Variants in GRIK3 observed in about 807,000 individuals in gnomAD.
The protein encoded by GRIK3 is glutamate ionotropic receptor kainate type subunit 3.
A neutral mutation model predicts 102.5 loss-of-function variants in GRIK3; 29 were observed. That is an observed-to-expected ratio of 0.28 (90% CI 0.21 to 0.39). The LOEUF is 0.39. GRIK3 is among the 10% of genes least tolerant of loss of function. The pLI, the probability that GRIK3 is intolerant of heterozygous loss-of-function variation, is 1.00. For synonymous variants in GRIK3, 511 were observed against 504.9 expected, an observed-to-expected ratio of 1.01 and a Z score of -0.16; for missense variants, 908 against 1,252.4, an observed-to-expected ratio of 0.73 and a Z score of 4.15.
At chr1:36,813,754 G>A (rs1189737656) in intron 13 of GRIK3, among the ~76,000 whole-genome samples, 6 of 151,392 alleles carry the variant, frequency 4.0e-5, no homozygotes, top group Admixed American at 1.3e-4. Flanking sequence ...CAGCGGGGGC[G>A]GGGCGGGGGG....
At chr1:37,033,576 G>C (rs902059551) in intron 1 of GRIK3, among the ~76,000 whole-genome samples, 1 of 152,236 alleles carries the variant, frequency 6.6e-6, no homozygotes, top group Non-Finnish European at 1.5e-5. Context: ...CGAAGGGCCC[G>C]CGGGGAGTGA....
chr1:36,973,229 A>G (rs768631089), intron 1 of GRIK3, among the ~76,000 whole-genome samples: 2 of 152,082 alleles, frequency 1.3e-5, no homozygotes, highest in Non-Finnish European at 2.9e-5. Flanking sequence ...CCTCCTTAGA[A>G]GCAACACTCC....
intron 1 of GRIK3, among the ~76,000 whole-genome samples, chr1:36,972,600 G>C (rs371295048): frequency 2.6e-5 from 4 of 152,148 alleles, no homozygotes; most frequent in African/African-American, 9.7e-5. Flanking sequence ...GCCAGGTTAC[G>C]TTCAGGGAGT....
At chr1:36,852,718 T>A (rs1234038475) in intron 8 of GRIK3, among the ~76,000 whole-genome samples, 3 of 152,192 alleles carry the variant, frequency 2.0e-5, no homozygotes, top group Non-Finnish European at 4.4e-5. Context: ...GCATCCGAAG[T>A]GGCCCCTCCA....
chr1:36,887,267 C>A (rs529390884), intron 2 of GRIK3, among the ~76,000 whole-genome samples: 5 of 152,112 alleles, frequency 3.3e-5, no homozygotes, highest in Non-Finnish European at 5.9e-5. Context: ...ATCTTCATAA[C>A]CTTAGGTTAG....
At chr1:36,859,400 CG>C (rs1323771658) in intron 6 of GRIK3, 149 bp from the exon 7 acceptor site, 1 of 831,242 alleles carries the variant, frequency 1.2e-6, no homozygotes, top group African/African-American at 1.7e-5. Flanking sequence ...ACTCTGTCTA[CG>C]CCTCTGAGGA....
At chr1:36,855,038 CA>C (rs1352243176) in intron 7 of GRIK3, among the ~76,000 whole-genome samples, 1 of 152,180 alleles carries the variant, frequency 6.6e-6, no homozygotes, top group Non-Finnish European at 1.5e-5. Flanking sequence ...CTTTCTGTGT[CA>C]GGGGCAAGAA....
At chr1:36,817,717 C>T (rs1642646813) in intron 12 of GRIK3, among the ~76,000 whole-genome samples, 1 of 152,196 alleles carries the variant, frequency 6.6e-6, no homozygotes, top group Non-Finnish European at 1.5e-5. Context: ...GTGAATCCTG[C>T]TCCCAACTCT....
chr1:36,956,346 A>AG (rs1641905238), intron 1 of GRIK3, among the ~76,000 whole-genome samples: 1 of 152,194 alleles, frequency 6.6e-6, no homozygotes, highest in Admixed American at 6.5e-5. Context: ...TTACTTAGGA[A>AG]GATGAAATGA....
chr1:36,911,128 G>A (rs1378223957), intron 1 of GRIK3, among the ~76,000 whole-genome samples: 1 of 152,128 alleles, frequency 6.6e-6, no homozygotes, highest in African/African-American at 2.4e-5. Flanking sequence ...GGGAGAGAGG[G>A]AGGGAGGGGG....
intron 1 of GRIK3, among the ~76,000 whole-genome samples, chr1:36,972,808 G>C (rs1206198440): frequency 6.6e-6 from 1 of 152,176 alleles, no homozygotes; most frequent in Non-Finnish European, 1.5e-5. Flanking sequence ...GCTGGGAGCA[G>C]AAGTCGGCCC....
intron 1 of GRIK3, among the ~76,000 whole-genome samples, chr1:36,989,220 G>T (rs1642338930): frequency 6.6e-6 from 1 of 152,136 alleles, no homozygotes; most frequent in Non-Finnish European, 1.5e-5. Context: ...GCACATAACT[G>T]AAGAGGTTGT....
intron 10 of GRIK3, among the ~76,000 whole-genome samples, chr1:36,834,556 A>C (rs1640348968): frequency 6.6e-6 from 1 of 152,114 alleles, no homozygotes; most frequent in Non-Finnish European, 1.5e-5. Context: ...TCCTGAGCTG[A>C]TGGATGTCTG....
intron 10 of GRIK3, among the ~76,000 whole-genome samples, chr1:36,837,193 A>G (rs2124210973): frequency 6.6e-6 from 1 of 152,124 alleles, no homozygotes; most frequent in African/African-American, 2.4e-5. Flanking sequence ...GGATGTGCTG[A>G]TGACTCCTAG....
chr1:36,950,940 G>C (rs1320141326), intron 1 of GRIK3, among the ~76,000 whole-genome samples: 6 of 152,318 alleles, frequency 3.9e-5, no homozygotes, highest in Admixed American at 3.9e-4. Flanking sequence ...TTTGGGGTGG[G>C]GCATGATGCA....
intron 15 of GRIK3, among the ~76,000 whole-genome samples, chr1:36,803,680 C>G (rs564048896): frequency 6.6e-6 from 1 of 152,170 alleles, no homozygotes; most frequent in Non-Finnish European, 1.5e-5. Context: ...CCACCCGACT[C>G]GGCCTCCCAA....
intron 11 of GRIK3, among the ~76,000 whole-genome samples, chr1:36,823,173 G>T (rs1196367763): frequency 6.6e-6 from 1 of 152,126 alleles, no homozygotes; most frequent in Non-Finnish European, 1.5e-5. Context: ...GACCCTGCCA[G>T]TGTTATACAA....
At chr1:36,948,394 G>T (rs540060470) in intron 1 of GRIK3, among the ~76,000 whole-genome samples, 1 of 152,316 alleles carries the variant, frequency 6.6e-6, no homozygotes, top group Non-Finnish European at 1.5e-5. Context: ...GTTGGCTGAA[G>T]CCCTACTGTG....
At chr1:36,900,308 C>A (rs1010973407) in intron 1 of GRIK3, among the ~76,000 whole-genome samples, 1 of 152,168 alleles carries the variant, frequency 6.6e-6, no homozygotes, top group South Asian at 2.1e-4. Context: ...TCCTGCTCCT[C>A]CTCCTCCTCT....
Sources: allele counts gnomAD v4.1 joint callset (sites outside exome capture counted in the v4.1 genomes callset), GRCh38; gene constraint gnomAD v4.1.1; transcripts MANE v1.5; gene names NCBI Gene and HGNC (gene_info 2026-07-23, HGNC 2026-07-21).